ABCA13: variants seen among roughly 807,000 people sequenced by gnomAD.
ABCA13 encodes ATP-binding cassette sub-family A member 13.
A neutral mutation model predicts 478.7 loss-of-function variants in ABCA13; 476 were observed. That is an observed-to-expected ratio of 0.99 (90% CI 0.92 to 1.07). The LOEUF (loss-of-function observed/expected upper bound fraction) is 1.07. Ranked by LOEUF, ABCA13 falls within the 50% of genes least tolerant of loss-of-function variation. The pLI is 0.00. For synonymous variants in ABCA13, 2,252 were observed against 2,158.9 expected (o/e 1.04, Z -1.20); for missense variants, 6,060 against 5,910.6 (o/e 1.03, Z -0.83).
chr7:48,341,956 C>G (rs1807305669), intron 29 of ABCA13, among the ~76,000 whole-genome samples: 1 of 145,210 alleles, frequency 6.9e-6, no homozygotes, highest in African/African-American at 2.5e-5. Context: ...TATATATATA[C>G]TCATCACTAG....
At chr7:48,383,775 G>C (rs1378104693) in intron 35 of ABCA13, among the ~76,000 whole-genome samples, 1 of 152,082 alleles carries the variant, frequency 6.6e-6, no homozygotes, top group African/African-American at 2.4e-5. Context: ...CATTTCCCAG[G>C]CTTTTTCCAG....
Position 48,302,120 on chromosome 7 carries a change from G to T in ABCA13, c.9321+3633G>T, listed in dbSNP as rs555000223. Among the ~76,000 whole-genome samples, 8 of 152,242 alleles carry T rather than the reference G, an allele frequency of 5.3e-5. No homozygotes were observed. In the South Asian group the frequency reaches 1.2e-3, roughly 24 times the overall value. ...GGAGAGGGCCTGAAATCAAACCCAC[G>T]TCTTTGAACTTGAACTGTGTTATTC... On this transcript the variant is annotated intron_variant, in intron 23 of 61. Transcript: ENST00000435803.
intron 31 of ABCA13, among the ~76,000 whole-genome samples, chr7:48,355,369 T>A (rs376290785): frequency 1.3e-5 from 2 of 151,954 alleles, no homozygotes; most frequent in East Asian, 3.9e-4. Context: ...CTAGGGTATG[T>A]GTGAAGAGTC....
rs769018590 is a variant in ABCA13 at position 48,272,180 on chromosome 7, G to A, written c.2514G>A (p.Trp838Ter). ...FEINPKLLEL[W>*]AYGISKGKRA... ...TTAATCCCAAATTACTAGAATTATG[G>A]GCCTATGGCATTTCAAAAGGAAAAA... Residue 838 changes from tryptophan (W) to a stop codon, truncating the protein, a stop_gained, in exon 17 of 62, where the codon TGG (tryptophan) becomes TGA (stop). Coordinates refer to ENST00000435803, the MANE Select transcript of ABCA13 (RefSeq NM_152701.5). LOFTEE classifies it high-confidence loss of function. The A allele has an allele frequency of 6.2e-7, 1 of 1,611,666 alleles. No individual in the cohort carries two copies.
At chr7:48,388,698 C>T (rs1169907657) in intron 36 of ABCA13, among the ~76,000 whole-genome samples, 2 of 152,240 alleles carry the variant, frequency 1.3e-5, no homozygotes, top group African/African-American at 2.4e-5. Flanking sequence ...TCCACTCTCA[C>T]GTCCTCAGGA....
At chr7:48,286,895 T>G (rs1584640029) in intron 19 of ABCA13, among the ~76,000 whole-genome samples, 2 of 152,222 alleles carry the variant, frequency 1.3e-5, no homozygotes, top group African/African-American at 4.8e-5. Context: ...AAAAAAGATT[T>G]TATTTCTTAT....
intron 25 of ABCA13, among the ~76,000 whole-genome samples, chr7:48,313,983 A>ATGTGTG (rs1554436363): frequency 1.6e-3 from 124 of 78,268 alleles, no homozygotes; most frequent in African/African-American, 3.6e-3. Context: ...GTGTGTGTGT[A>ATGTGTG]TGTGTGTGTG....
At chr7:48,406,010 T>A (rs1818215695) in intron 39 of ABCA13, among the ~76,000 whole-genome samples, 3 of 152,300 alleles carry the variant, frequency 2.0e-5, no homozygotes, top group Non-Finnish European at 4.4e-5. Context: ...AACCTCTAGG[T>A]AATCATAGAG....
intron 15 of ABCA13, among the ~76,000 whole-genome samples, chr7:48,256,798 G>A (rs1793459157): frequency 6.6e-6 from 1 of 152,054 alleles, no homozygotes; most frequent in Non-Finnish European, 1.5e-5. Flanking sequence ...TGGCTATTCG[G>A]GCACTTTTTT....
intron 15 of ABCA13, 26 bp from the exon 16 acceptor site, chr7:48,268,954 A>G (rs768088001): frequency 5.4e-5 from 68 of 1,248,824 alleles, no homozygotes; most frequent in Non-Finnish European, 7.6e-5. Context: ...GTTTATAATT[A>G]ATGTAGAAAA....
intron 3 of ABCA13, among the ~76,000 whole-genome samples, chr7:48,216,980 T>A (rs1278238699): frequency 1.3e-5 from 2 of 152,252 alleles, no homozygotes; most frequent in Admixed American, 1.3e-4. Context: ...GTATATTTCA[T>A]TAAATGTATT....
At chr7:48,412,227 A>G (rs1404717313) in intron 40 of ABCA13, 126 bp from the exon 41 acceptor site, 11 of 694,956 alleles carry the variant, frequency 1.6e-5, no homozygotes, top group Non-Finnish European at 2.6e-5. Context: ...CTTAAGTGTG[A>G]TATTTCATTT....
intron 38 of ABCA13, among the ~76,000 whole-genome samples, chr7:48,392,891 G>A (rs1039479467): frequency 6.6e-6 from 1 of 152,186 alleles, no homozygotes; most frequent in African/African-American, 2.4e-5. Context: ...GAGAACTCCC[G>A]GTAGGGTCAC....
intron 5 of ABCA13, among the ~76,000 whole-genome samples, chr7:48,224,781 A>G (rs1273592391): frequency 2.0e-5 from 3 of 152,138 alleles, no homozygotes; most frequent in African/African-American, 7.2e-5. Flanking sequence ...TCCCTGATTT[A>G]AAAAAGTCAG....
chr7:48,190,466 CTG>C (rs1295585487), intron 1 of ABCA13, among the ~76,000 whole-genome samples: 2 of 152,144 alleles, frequency 1.3e-5, no homozygotes, highest in African/African-American at 4.8e-5. Context: ...TTCAAGAAAA[CTG>C]TTGCAAATTT....
chr7:48,483,350 G>C (rs1178600918), intron 47 of ABCA13, among the ~76,000 whole-genome samples, 187 bp downstream of exon 47: 1 of 152,082 alleles, frequency 6.6e-6, no homozygotes, highest in South Asian at 2.1e-4. Context: ...TTTAGAAATC[G>C]AGGAAATAGG....
intron 23 of ABCA13, among the ~76,000 whole-genome samples, chr7:48,301,876 T>A (rs1800203498): frequency 6.6e-6 from 1 of 152,206 alleles, no homozygotes. Context: ...AGGTTCTCAT[T>A]AAACATTCAC....
chr7:48,182,093 C>CA (rs1049760632), intron 1 of ABCA13, among the ~76,000 whole-genome samples: 4 of 152,100 alleles, frequency 2.6e-5, no homozygotes, highest in Non-Finnish European at 5.9e-5. Flanking sequence ...AGAGTACCTG[C>CA]ACTCAGCCAT....
intron 20 of ABCA13, among the ~76,000 whole-genome samples, chr7:48,290,283 G>C (rs6945480): frequency 0.1 from 15,504 of 152,236 alleles, 879 homozygotes; most frequent in South Asian, 0.18. Flanking sequence ...CAGGTTGGGT[G>C]GGGGCTTCCT....
Sources: gnomAD v4.1 joint callset for allele counts (sites outside exome capture counted in the v4.1 genomes callset) on GRCh38, gnomAD v4.1.1 for gene constraint, MANE v1.5 for transcripts, NCBI Gene and HGNC (gene_info 2026-07-23, HGNC 2026-07-21) for gene names.